Variants in PIBF1 observed in about 807,000 individuals in gnomAD.
The protein encoded by PIBF1 is progesterone immunomodulatory binding factor 1, also known as progesterone-induced-blocking factor 1.
Under a neutral mutation model 112.5 loss-of-function variants are expected in PIBF1, and 90 were observed. That is an observed-to-expected ratio of 0.80 (90% CI 0.67 to 0.95). PIBF1 has a LOEUF of 0.95. Among genes scored for constraint, PIBF1 ranks in the 40% least tolerant of loss-of-function variants. The probability of loss-of-function intolerance (pLI) is 0.00; values close to 1 mark genes in which losing one functional copy is unlikely to be tolerated. For synonymous variants in PIBF1, 301 were observed against 288.6 expected (o/e 1.04, Z -0.44); for missense variants, 915 against 852.3 (o/e 1.07, Z -0.92).
intron 10 of PIBF1, among the ~76,000 whole-genome samples, chr13:72,860,318 T>C (rs1450688327): frequency 1.3e-5 from 1 of 74,112 alleles, no homozygotes; most frequent in African/African-American, 4.4e-5. Context: ...GGTGTGTGTG[T>C]GTGTGTGTGT....
At chr13:72,785,163 A>G (rs559024510) in intron 2 of PIBF1, among the ~76,000 whole-genome samples, 38 of 152,248 alleles carry the variant, frequency 2.5e-4, no homozygotes, top group Non-Finnish European at 4.3e-4. Context: ...TCAATATACA[A>G]ATTTTGAGGG....
At chr13:73,008,409 G>T (rs1317308637) in intron 17 of PIBF1, among the ~76,000 whole-genome samples, 2 of 152,098 alleles carry the variant, frequency 1.3e-5, no homozygotes, top group African/African-American at 4.8e-5. Flanking sequence ...ATTCTCTTTT[G>T]TCTTGCATAG....
rs1421272426 is a variant in PIBF1 at position 72,854,042 on chromosome 13, A to G, written c.1224-15A>G. 3 of 1,531,006 alleles carry G rather than the reference A, an allele frequency of 2.0e-6. No individual in the cohort carries two copies. Among genetic ancestry groups the G allele is most frequent in the Non-Finnish European group, 9.1e-7 (1 of 1,104,970 alleles). 94.8% of individuals were successfully genotyped at this position (1,531,006 alleles called of 1,614,324 possible). On this transcript the variant is annotated splice_polypyrimidine_tract_variant and intron_variant, in intron 9 of 17. Transcript: ENST00000326291. ...CACGCATTTGAAATAACTGAAATCC[A>G]TGTTTAAAATTTAGAAATCTCCGAG...
chr13:72,947,619 T>C (rs2042184005), intron 14 of PIBF1, among the ~76,000 whole-genome samples: 1 of 152,192 alleles, frequency 6.6e-6, no homozygotes, highest in Non-Finnish European at 1.5e-5. Context: ...ATGCTTTGCC[T>C]CTTAGAAATT....
At chr13:72,801,960 C>T (rs1241223778) in intron 5 of PIBF1, among the ~76,000 whole-genome samples, 2 of 152,032 alleles carry the variant, frequency 1.3e-5, no homozygotes, top group South Asian at 2.1e-4. Flanking sequence ...CTTAGAGCAT[C>T]CATAATACAG....
At chr13:72,937,165 T>C (rs1432459596) in intron 14 of PIBF1, among the ~76,000 whole-genome samples, 2 of 152,204 alleles carry the variant, frequency 1.3e-5, no homozygotes, top group Non-Finnish European at 2.9e-5. Flanking sequence ...GTATATTTAT[T>C]GATATGGTTA....
At position 72,874,649 on chromosome 13, in the gene PIBF1, T is replaced by C. The variant is rs147252731; in HGVS notation, c.1323-19135T>C. Among the ~76,000 whole-genome samples, 5 of 152,312 alleles carry C rather than the reference T, an allele frequency of 3.3e-5. No individual in the cohort carries two copies. In the East Asian group the frequency reaches 9.7e-4, roughly 29 times the overall value. On this transcript the variant is annotated intron_variant, in intron 10 of 17. Coordinates refer to ENST00000326291, the MANE Select transcript of PIBF1 (RefSeq NM_006346.4). Reference sequence around the variant, plus strand: ...GATGGGAATGATGTTAAGATCATAGTCACAGTTGCATGGCCAAAACAGTTG... The same window carrying C: ...GATGGGAATGATGTTAAGATCATAGCCACAGTTGCATGGCCAAAACAGTTG...
chr13:72,929,091 G>C (rs1244637940), intron 13 of PIBF1, among the ~76,000 whole-genome samples: 2 of 152,070 alleles, frequency 1.3e-5, no homozygotes, highest in Non-Finnish European at 2.9e-5. Flanking sequence ...ATGTTTAAGT[G>C]ACCCTAGTGT....
intron 16 of PIBF1, among the ~76,000 whole-genome samples, chr13:72,979,457 GT>G (rs2043102195): frequency 6.6e-6 from 1 of 152,102 alleles, no homozygotes; most frequent in Admixed American, 6.6e-5. Context: ...GAGCTCAGTC[GT>G]TAGAAGCTGA....
intron 10 of PIBF1, among the ~76,000 whole-genome samples, chr13:72,866,320 T>A (rs2038926664): frequency 6.6e-6 from 1 of 152,140 alleles, no homozygotes; most frequent in South Asian, 2.1e-4. Context: ...TTTGGCAGGG[T>A]TGGGGGCACC....
intron 5 of PIBF1, among the ~76,000 whole-genome samples, chr13:72,802,542 A>G (rs1041742650): frequency 4.6e-5 from 7 of 152,170 alleles, no homozygotes; most frequent in Admixed American, 1.3e-4. Context: ...GATGTTAAAG[A>G]AAGATAGGAG....
At chr13:72,934,123 T>C (rs1160604618) in intron 14 of PIBF1, among the ~76,000 whole-genome samples, 1 of 152,148 alleles carries the variant, frequency 6.6e-6, no homozygotes, top group African/African-American at 2.4e-5. Context: ...TAAAGTATTC[T>C]ATGGACTTTA....
chr13:72,883,865 G>A (rs190849246), intron 10 of PIBF1, among the ~76,000 whole-genome samples: 23 of 152,232 alleles, frequency 1.5e-4, no homozygotes, highest in East Asian at 1.4e-3. Context: ...AGGCTGGGGC[G>A]GGAGGATCAC....
Position 72,792,542 on chromosome 13 carries a change from T to C in PIBF1, c.348T>C (p.Asp116=). ...LDNQLAFQQK[D]ASKYQELMKQ... ...ACCAATTGGCTTTTCAACAGAAAGA[T>C]GCCAGGTAAGAAAAGTTTTTTTTAA... The change falls in exon 3 of 18, where the codon GAT becomes GAC. Residue 116 remains aspartate (D), a synonymous_variant. Transcript: ENST00000326291. 1 of 1,508,876 alleles carries C rather than the reference T, an allele frequency of 6.6e-7. No homozygotes were observed. 93.5% of individuals were successfully genotyped at this position (1,508,876 alleles called of 1,614,324 possible). A position where few individuals can be genotyped will look rare whatever the true frequency, so the allele number is the denominator to read the frequency against.
At chr13:72,839,971 A>C (rs1014494794) in intron 9 of PIBF1, among the ~76,000 whole-genome samples, 1 of 152,172 alleles carries the variant, frequency 6.6e-6, no homozygotes, top group African/African-American at 2.4e-5. Flanking sequence ...TGGATGCCCC[A>C]GCCAGCCACA....
At chr13:72,875,021 G>T (rs1159444703) in intron 10 of PIBF1, among the ~76,000 whole-genome samples, 2 of 151,852 alleles carry the variant, frequency 1.3e-5, no homozygotes, top group Non-Finnish European at 2.9e-5. Flanking sequence ...CACTCTTAAG[G>T]GTTGTACATT....
chr13:72,859,976 A>G (rs571816678), intron 10 of PIBF1, among the ~76,000 whole-genome samples: 9 of 152,232 alleles, frequency 5.9e-5, no homozygotes, highest in Non-Finnish European at 1.3e-4. Flanking sequence ...TTGGCAAGAC[A>G]TAAAGTAGTA....
At position 72,980,434 on chromosome 13, in the gene PIBF1, C is replaced by T. The variant is rs764412424; in HGVS notation, c.2049+6759C>T. On this transcript the variant is annotated intron_variant, in intron 16 of 17. Transcript: ENST00000326291. ...ACCATTCATAACAGAGCCAGTTGTACGCAGTGACGTGCTCTCAAGAGGTCA... is the reference window on the plus strand; with the variant it reads ...ACCATTCATAACAGAGCCAGTTGTATGCAGTGACGTGCTCTCAAGAGGTCA... Among the ~76,000 whole-genome samples, 7 of 152,152 alleles carry T rather than the reference C, an allele frequency of 4.6e-5. No homozygotes were observed. The South Asian group carries it at 1.0e-3, about 23-fold the overall frequency.
At chr13:72,803,414 G>T (rs2035580510) in intron 5 of PIBF1, among the ~76,000 whole-genome samples, 1 of 152,084 alleles carries the variant, frequency 6.6e-6, no homozygotes, top group Non-Finnish European at 1.5e-5. Context: ...CCCAGTTATA[G>T]TTATGTTTAA....
Sources: gnomAD v4.1 joint callset for allele counts (sites outside exome capture counted in the v4.1 genomes callset) on GRCh38, gnomAD v4.1.1 for gene constraint, MANE v1.5 for transcripts, NCBI Gene and HGNC (gene_info 2026-07-23, HGNC 2026-07-21) for gene names.